Variants in LRRC49 observed in about 807,000 individuals in gnomAD.
LRRC49 encodes the protein leucine-rich repeat-containing protein 49.
Under a neutral mutation model 83.3 loss-of-function variants are expected in LRRC49, and 50 were observed. The ratio of observed to expected loss-of-function variants is 0.60; its 90% confidence interval spans 0.48 to 0.76. LRRC49 has a LOEUF of 0.76. LRRC49 is among the 30% of genes least tolerant of loss of function. The probability of loss-of-function intolerance (pLI) is 0.00; values close to 1 mark genes in which losing one functional copy is unlikely to be tolerated. For missense variants in LRRC49, 704 were observed against 809.1 expected, an observed-to-expected ratio of 0.87 and a Z score of 1.58; for synonymous variants, 286 against 283.3, an observed-to-expected ratio of 1.01 and a Z score of -0.10.
intron 4 of LRRC49, among the ~76,000 whole-genome samples, chr15:70,903,526 G>A (rs574765392): frequency 5.3e-5 from 8 of 150,720 alleles, no homozygotes; most frequent in Admixed American, 2.0e-4. Flanking sequence ...TTTTTTCTGC[G>A]AATCATTCTT....
At chr15:70,903,193 G>A (rs910832974) in intron 4 of LRRC49, among the ~76,000 whole-genome samples, 79 of 152,024 alleles carry the variant, frequency 5.2e-4, no homozygotes, top group African/African-American at 1.9e-3. Context: ...CAAAGCTGAT[G>A]CACAAAGATA....
chr15:71,027,784 A>C (rs2039222998), intron 14 of LRRC49, among the ~76,000 whole-genome samples: 1 of 152,200 alleles, frequency 6.6e-6, no homozygotes, highest in South Asian at 2.1e-4. Flanking sequence ...ATTTTTGCAC[A>C]TTGATTTTGT....
chr15:71,022,348 G>T (rs2039019828), intron 14 of LRRC49, among the ~76,000 whole-genome samples: 1 of 152,096 alleles, frequency 6.6e-6, no homozygotes, highest in African/African-American at 2.4e-5. Context: ...ACCCCAGCCT[G>T]GGTGACAGAG....
intron 7 of LRRC49, among the ~76,000 whole-genome samples, chr15:70,928,596 T>C (rs1451465893): frequency 2.6e-5 from 4 of 152,116 alleles, no homozygotes; most frequent in African/African-American, 4.8e-5. Context: ...AAACAGAGTT[T>C]CACTCTTGTT....
intron 4 of LRRC49, chr15:70,902,487 T>C (rs1273051688): frequency 1.3e-5 from 2 of 152,152 alleles, no homozygotes; most frequent in African/African-American, 4.8e-5. Flanking sequence ...CACAAAGATA[T>C]CATAAAGTTA....
At chr15:70,926,281 G>T (rs1226793409) in intron 7 of LRRC49, among the ~76,000 whole-genome samples, 1 of 152,020 alleles carries the variant, frequency 6.6e-6, no homozygotes, top group Non-Finnish European at 1.5e-5. Flanking sequence ...GTCTCATTAT[G>T]TTGCCCAGGC....
At chr15:70,908,145 C>T (rs185110091) in intron 5 of LRRC49, among the ~76,000 whole-genome samples, 23 of 152,182 alleles carry the variant, frequency 1.5e-4, no homozygotes, top group Non-Finnish European at 2.6e-4. Context: ...CTGGGCGATC[C>T]GAATCTGATG....
chr15:71,046,140 A>G (rs549369979), intron 15 of LRRC49, among the ~76,000 whole-genome samples: 47 of 152,258 alleles, frequency 3.1e-4, no homozygotes, highest in Admixed American at 1.4e-3. Flanking sequence ...GCTACTGTGA[A>G]TAGTGTAGCA....
chr15:71,014,030 C>G (rs895199648), intron 14 of LRRC49, among the ~76,000 whole-genome samples: 7 of 152,140 alleles, frequency 4.6e-5, no homozygotes, highest in Non-Finnish European at 1.0e-4. Context: ...CTTTTGCATG[C>G]TACTCCTACT....
At chr15:70,972,320 C>T (rs992265568) in intron 9 of LRRC49, among the ~76,000 whole-genome samples, 3 of 152,194 alleles carry the variant, frequency 2.0e-5, no homozygotes, top group Non-Finnish European at 4.4e-5. Context: ...CCCCCACTCT[C>T]TTCTGGCTTG....
At chr15:70,862,115 C>T (rs973214845) in intron 1 of LRRC49, among the ~76,000 whole-genome samples, 7 of 152,142 alleles carry the variant, frequency 4.6e-5, no homozygotes, top group African/African-American at 1.7e-4. Context: ...AGCAAGAGAG[C>T]CAGCTGCCTA....
At chr15:70,922,951 C>T (rs1455245647) in intron 7 of LRRC49, among the ~76,000 whole-genome samples, 4 of 151,940 alleles carry the variant, frequency 2.6e-5, no homozygotes, top group Admixed American at 6.6e-5. Context: ...CTGTTGCTGT[C>T]TCAAGTTTTG....
intron 12 of LRRC49, 84 bp downstream of exon 12, chr15:71,008,700 AT>A: frequency 1.1e-6 from 1 of 905,516 alleles, no homozygotes; most frequent in East Asian, 2.5e-5. Context: ...TTTAACTTGT[AT>A]TTATGTAGTT....
intron 15 of LRRC49, among the ~76,000 whole-genome samples, chr15:71,046,841 C>A (rs2039867244): frequency 6.6e-6 from 1 of 152,142 alleles, no homozygotes; most frequent in South Asian, 2.1e-4. Context: ...AATTATTAAT[C>A]CCTTTTGAGT....
At chr15:70,940,121 A>G (rs1001831712) in intron 8 of LRRC49, among the ~76,000 whole-genome samples, 4 of 152,036 alleles carry the variant, frequency 2.6e-5, no homozygotes, top group African/African-American at 9.7e-5. Context: ...AAGTCACCCT[A>G]TATCAATTAT....
At chr15:70,904,417 C>T in intron 4 of LRRC49, 135 bp from the exon 5 acceptor site, 1 of 577,686 alleles carries the variant, frequency 1.7e-6, no homozygotes, top group South Asian at 2.5e-5. Flanking sequence ...TCGCTTAGTT[C>T]ATGGGGGTTG....
intron 7 of LRRC49, among the ~76,000 whole-genome samples, chr15:70,921,380 T>C (rs2034999452): frequency 6.6e-6 from 1 of 152,228 alleles, no homozygotes; most frequent in African/African-American, 2.4e-5. Flanking sequence ...CTATTTTGTT[T>C]GGAGAACAGT....
chr15:70,872,309 C>G lies in LRRC49; in HGVS notation c.-298-599C>G, dbSNP rs557479040. Among the ~76,000 whole-genome samples the G allele has an allele frequency of 5.3e-5, 8 of 152,228 alleles. No homozygotes were observed. In the South Asian group the frequency reaches 1.7e-3, roughly 32 times the overall value. Reference sequence around the variant, plus strand: ...ACTGGGCAGGCTGAGGCAGGAGAATCAGGCAGGGAGGTTGCAGTGAACCGA... The same window carrying G: ...ACTGGGCAGGCTGAGGCAGGAGAATGAGGCAGGGAGGTTGCAGTGAACCGA... On this transcript the variant is annotated intron_variant, in intron 1 of 16. Coordinates refer to the LRRC49 transcript ENST00000544974.
intron 7 of LRRC49, among the ~76,000 whole-genome samples, chr15:70,927,593 G>A (rs1413589188): frequency 6.6e-6 from 1 of 152,104 alleles, no homozygotes; most frequent in African/African-American, 2.4e-5. Flanking sequence ...TTTTCCTCCA[G>A]AAGGTTTATA....
Sources: allele counts gnomAD v4.1 joint callset (sites outside exome capture counted in the v4.1 genomes callset), GRCh38; gene constraint gnomAD v4.1.1; transcripts MANE v1.5; gene names NCBI Gene and HGNC (gene_info 2026-07-23, HGNC 2026-07-21).